Variants in GALNT13 observed in about 807,000 individuals in gnomAD.
The protein encoded by GALNT13 is polypeptide N-acetylgalactosaminyltransferase 13.
Under a neutral mutation model 64.2 loss-of-function variants are expected in GALNT13, and 28 were observed. That is an observed-to-expected ratio of 0.44 (90% CI 0.32 to 0.60). The LOEUF (loss-of-function observed/expected upper bound fraction) is 0.60, where lower values mean the gene tolerates loss of function less well. Among genes scored for constraint, GALNT13 ranks in the 20% least tolerant of loss-of-function variants. The probability of loss-of-function intolerance (pLI) is 0.05; values close to 1 mark genes in which losing one functional copy is unlikely to be tolerated. For missense variants in GALNT13, 577 were observed against 669.8 expected (o/e 0.86, Z 1.53); for synonymous variants, 214 against 224.6 (o/e 0.95, Z 0.42).
chr2:153,396,508 G>C, the GALNT13 span, among the ~76,000 whole-genome samples: 3 of 151,094 alleles, frequency 2.0e-5, no homozygotes, highest in African/African-American at 7.3e-5. Context: ...TTTTTTTTTG[G>C]TCTATAAACA....
At chr2:153,636,027 C>T in the GALNT13 span, among the ~76,000 whole-genome samples, 4 of 152,120 alleles carry the variant, frequency 2.6e-5, 1 homozygote, top group South Asian at 4.2e-4. Flanking sequence ...GAGGAAATTC[C>T]GAACTCCATG....
chr2:153,088,201 A>G, the GALNT13 span, among the ~76,000 whole-genome samples: 1 of 152,094 alleles, frequency 6.6e-6, no homozygotes, highest in South Asian at 2.1e-4. Flanking sequence ...TTTCATATTC[A>G]TCCTCATTTC....
At chr2:153,584,094 G>T in the GALNT13 span, among the ~76,000 whole-genome samples, 1 of 152,090 alleles carries the variant, frequency 6.6e-6, no homozygotes, top group Non-Finnish European at 1.5e-5. Flanking sequence ...ATGAGAAAAT[G>T]TAAGTCCCAC....
chr2:153,639,006 G>C, the GALNT13 span, among the ~76,000 whole-genome samples: 3 of 151,936 alleles, frequency 2.0e-5, no homozygotes, highest in Middle Eastern at 3.2e-3. Flanking sequence ...ATGTTCAGTT[G>C]CATAGGTCTA....
At chr2:154,041,053 G>T (rs1698947577) in intron 3 of GALNT13, among the ~76,000 whole-genome samples, 1 of 139,140 alleles carries the variant, frequency 7.2e-6, no homozygotes, top group Admixed American at 7.2e-5. Context: ...GGTTTGGTTT[G>T]TTCATTAAAA....
chr2:154,437,548 T>C, intron 11 of GALNT13: 1 of 1,285,390 alleles, frequency 7.8e-7, no homozygotes, highest in Non-Finnish European at 1.0e-6. Flanking sequence ...ACACATTCTA[T>C]AATTATGTGC....
the GALNT13 span, among the ~76,000 whole-genome samples, chr2:153,445,533 T>C: frequency 6.6e-6 from 1 of 151,952 alleles, no homozygotes; most frequent in Non-Finnish European, 1.5e-5. Flanking sequence ...GCATGCACAA[T>C]GCCTGGGTAA....
At chr2:153,670,514 A>G in the GALNT13 span, among the ~76,000 whole-genome samples, 1 of 149,332 alleles carries the variant, frequency 6.7e-6, no homozygotes, top group Non-Finnish European at 1.5e-5. Context: ...ACATCAACAA[A>G]AAGGACATCT....
intron 9 of GALNT13, among the ~76,000 whole-genome samples, chr2:154,353,267 G>T (rs955700597): frequency 1.3e-5 from 2 of 152,038 alleles, no homozygotes; most frequent in Non-Finnish European, 2.9e-5. Context: ...CAATGAACCT[G>T]CCTTGTTACA....
At chr2:153,696,705 C>T in the GALNT13 span, among the ~76,000 whole-genome samples, 2 of 152,092 alleles carry the variant, frequency 1.3e-5, no homozygotes, top group East Asian at 1.9e-4. Context: ...CTGCAGTTGA[C>T]CATGGATAAC....
the GALNT13 span, among the ~76,000 whole-genome samples, chr2:153,432,662 C>G: frequency 6.6e-6 from 1 of 151,828 alleles, no homozygotes; most frequent in African/African-American, 2.4e-5. Context: ...TAGTTGTCAC[C>G]TTTTCTTCTG....
At chr2:154,337,995 G>T (rs999945727) in intron 9 of GALNT13, among the ~76,000 whole-genome samples, 8 of 151,952 alleles carry the variant, frequency 5.3e-5, no homozygotes, top group Non-Finnish European at 2.9e-5. Context: ...GATAAAACTG[G>T]TCTCAGGTTA....
At chr2:153,475,813 C>T in the GALNT13 span, among the ~76,000 whole-genome samples, 23 of 152,290 alleles carry the variant, frequency 1.5e-4, no homozygotes, top group South Asian at 4.8e-3. Flanking sequence ...GATGTTGCAG[C>T]CACAGCGTGA....
At chr2:153,166,930 C>T in the GALNT13 span, among the ~76,000 whole-genome samples, 1 of 152,186 alleles carries the variant, frequency 6.6e-6, no homozygotes, top group African/African-American at 2.4e-5. Context: ...TGAATTCTAC[C>T]AACAACCATG....
chr2:153,744,900 A>T, the GALNT13 span, among the ~76,000 whole-genome samples: 1 of 152,268 alleles, frequency 6.6e-6, no homozygotes, highest in East Asian at 1.9e-4. Context: ...GAAAGCCATT[A>T]GCATTGGTGG....
At chr2:154,294,122 A>C (rs923965322) in intron 8 of GALNT13, among the ~76,000 whole-genome samples, 2 of 152,242 alleles carry the variant, frequency 1.3e-5, no homozygotes, top group Non-Finnish European at 2.9e-5. Flanking sequence ...AAGCACTCAC[A>C]TTATTTCAAG....
At chr2:154,094,544 C>G (rs1325449647) in intron 3 of GALNT13, among the ~76,000 whole-genome samples, 1 of 151,732 alleles carries the variant, frequency 6.6e-6, no homozygotes, top group African/African-American at 2.4e-5. Flanking sequence ...AGTATTTGTC[C>G]AAATAAAAAA....
At chr2:154,341,986 T>C (rs1260900267) in intron 9 of GALNT13, among the ~76,000 whole-genome samples, 1 of 152,104 alleles carries the variant, frequency 6.6e-6, no homozygotes, top group East Asian at 1.9e-4. Context: ...CTCAAAGTTT[T>C]GAGCCTGAAC....
chr2:154,143,772 A>C (rs1266833832), intron 4 of GALNT13, among the ~76,000 whole-genome samples: 3 of 150,828 alleles, frequency 2.0e-5, no homozygotes, highest in Non-Finnish European at 4.4e-5. Context: ...GAGGCAGGAG[A>C]ATCACTTGAA....
Sources: gnomAD v4.1 joint callset for allele counts (sites outside exome capture counted in the v4.1 genomes callset) on GRCh38, gnomAD v4.1.1 for gene constraint, MANE v1.5 for transcripts, NCBI Gene and HGNC (gene_info 2026-07-23, HGNC 2026-07-21) for gene names.